SFMBT2: variants seen among roughly 807,000 people sequenced by gnomAD.
SFMBT2 encodes Scm like with four mbt domains 2.
Under a neutral mutation model 110.1 loss-of-function variants are expected in SFMBT2, and 38 were observed. That is an observed-to-expected ratio of 0.35 (90% CI 0.27 to 0.45). The LOEUF (loss-of-function observed/expected upper bound fraction) is 0.45. Among genes scored for constraint, SFMBT2 ranks in the 20% least tolerant of loss-of-function variants. The pLI is 1.00. For missense variants in SFMBT2, 1,011 were observed against 1,094.9 expected (o/e 0.92, Z 1.08); for synonymous variants, 425 against 425.4 (o/e 1.00, Z 0.01).
At chr10:7,263,112 C>A (rs1007129424) in intron 7 of SFMBT2, among the ~76,000 whole-genome samples, 1 of 152,192 alleles carries the variant, frequency 6.6e-6, no homozygotes, top group Non-Finnish European at 1.5e-5. Flanking sequence ...CCTGAGAGAA[C>A]AGACCCGGCT....
In SFMBT2 at chr10:7,219,372, G is replaced by A. The variant is rs999702662; in HGVS notation, c.1330+1039C>T. On this transcript the variant is annotated intron_variant, in intron 11 of 20. Coordinates refer to ENST00000397167, the MANE Select transcript of SFMBT2 (RefSeq NM_001387889.1). ...TTTTGGAACCCTAAACTTCAGTAAC[G>A]TTTTAAACAATTTTCTGGGAATTGG... Among the ~76,000 whole-genome samples, 8 of 152,264 alleles carry A rather than the reference G, an allele frequency of 5.3e-5. No individual in the cohort carries two copies. The South Asian group carries it at 1.0e-3, about 20-fold the overall frequency.
At chr10:7,189,065 A>G (rs113546627) in intron 15 of SFMBT2, 2 of 734,788 alleles carry the variant, frequency 2.7e-6, no homozygotes, top group South Asian at 6.2e-5. Flanking sequence ...GTACTTCAAC[A>G]GGATTACTCT....
At chr10:7,185,564 C>T (rs934960766) in intron 16 of SFMBT2, among the ~76,000 whole-genome samples, 5 of 152,220 alleles carry the variant, frequency 3.3e-5, no homozygotes, top group African/African-American at 1.2e-4. Context: ...CAGTGAAGAT[C>T]TGACTTTATC....
At chr10:7,289,546 T>C (rs1842201446) in intron 4 of SFMBT2, among the ~76,000 whole-genome samples, 1 of 152,218 alleles carries the variant, frequency 6.6e-6, no homozygotes, top group Non-Finnish European at 1.5e-5. Context: ...CAAGCAATCT[T>C]TTATGAGCCA....
At chr10:7,224,992 T>C (rs1261560231) in intron 10 of SFMBT2, among the ~76,000 whole-genome samples, 1 of 152,220 alleles carries the variant, frequency 6.6e-6, no homozygotes, top group African/African-American at 2.4e-5. Flanking sequence ...AGAAATCAAC[T>C]GGCTCCATGC....
At chr10:7,291,580 A>G (rs982841322) in intron 4 of SFMBT2, among the ~76,000 whole-genome samples, 1 of 152,020 alleles carries the variant, frequency 6.6e-6, no homozygotes, top group African/African-American at 2.4e-5. Context: ...GCCCTCTTTG[A>G]TCAGAAGCTT....
intron 20 of SFMBT2, chr10:7,164,389 A>G (rs1837637885): frequency 2.0e-6 from 2 of 983,188 alleles, no homozygotes; most frequent in Non-Finnish European, 2.4e-6. Context: ...CTCTCTAAAC[A>G]ACAACAAAAA....
chr10:7,239,491 C>A lies in SFMBT2; in HGVS notation c.1120+4067G>T, dbSNP rs531036968. On this transcript the variant is annotated intron_variant, in intron 9 of 20. Coordinates refer to ENST00000397167, the MANE Select transcript of SFMBT2 (RefSeq NM_001387889.1). ...GAGATGCAAGATGTGAAACCAACCACCTCAAAAGGAAACCGTAAAACACCA... is the reference window on the plus strand; with the variant it reads ...GAGATGCAAGATGTGAAACCAACCAACTCAAAAGGAAACCGTAAAACACCA... Among the ~76,000 whole-genome samples the A allele has an allele frequency of 3.3e-5, 5 of 152,286 alleles. No homozygotes were observed. In the East Asian group the frequency reaches 9.6e-4, roughly 29 times the overall value.
intron 4 of SFMBT2, among the ~76,000 whole-genome samples, chr10:7,298,374 C>T (rs1842465451): frequency 6.6e-6 from 1 of 152,208 alleles, no homozygotes; most frequent in Admixed American, 6.5e-5. Flanking sequence ...TCAGACTCTC[C>T]ATCCTGGGTC....
rs1406445473 is a variant in SFMBT2, at chr10:7,377,056, C to T, written c.100+4743G>A. 2.0e-5 allele frequency among the ~76,000 whole-genome samples: 3 copies of T among 150,824 alleles called. No homozygotes were observed. The East Asian group carries it at 5.8e-4, about 29-fold the overall frequency. ...TGGTGGCGGGCACCTGTAGTCCCAGCTACTTGGGAGGCTGAGGCAGGAGGA... is the reference window on the plus strand; with the variant it reads ...TGGTGGCGGGCACCTGTAGTCCCAGTTACTTGGGAGGCTGAGGCAGGAGGA... On this transcript the variant is annotated intron_variant, in intron 2 of 20. Transcript: ENST00000397167.
chr10:7,243,514 C>G, intron 9 of SFMBT2, 44 bp downstream of exon 9: 1 of 865,084 alleles, frequency 1.2e-6, no homozygotes, highest in Non-Finnish European at 2.0e-6. Flanking sequence ...AGTAAGACAC[C>G]CTCCTGAATC....
chr10:7,350,920 A>C (rs1486735206), intron 4 of SFMBT2, among the ~76,000 whole-genome samples: 1 of 152,206 alleles, frequency 6.6e-6, no homozygotes, highest in Non-Finnish European at 1.5e-5. Context: ...TAGTAGCCAC[A>C]CACCCTCTGG....
At chr10:7,281,388 C>A (rs1279679669) in intron 6 of SFMBT2, among the ~76,000 whole-genome samples, 1 of 152,038 alleles carries the variant, frequency 6.6e-6, no homozygotes, top group African/African-American at 2.4e-5. Context: ...CTGCACACCC[C>A]CCTCCCACTG....
At chr10:7,380,375 T>TGG (rs1845386017) in intron 2 of SFMBT2, among the ~76,000 whole-genome samples, 1 of 152,230 alleles carries the variant, frequency 6.6e-6, no homozygotes, top group South Asian at 2.1e-4. Context: ...AGTAAGGCCT[T>TGG]CCCTCATGTG....
chr10:7,209,587 C>G (rs2131621974), intron 11 of SFMBT2, among the ~76,000 whole-genome samples: 1 of 152,334 alleles, frequency 6.6e-6, no homozygotes, highest in South Asian at 2.1e-4. Flanking sequence ...TACAGATCTC[C>G]AAGATGCACT....
At chr10:7,294,249 C>T (rs1263830063) in intron 4 of SFMBT2, among the ~76,000 whole-genome samples, 4 of 152,182 alleles carry the variant, frequency 2.6e-5, no homozygotes, top group African/African-American at 7.2e-5. Context: ...CGCCAACTCA[C>T]CCAGTGCATC....
chr10:7,388,813 C>T (rs993951062), intron 1 of SFMBT2, among the ~76,000 whole-genome samples: 4 of 152,100 alleles, frequency 2.6e-5, no homozygotes, highest in Non-Finnish European at 4.4e-5. Flanking sequence ...GGGCCCGAGC[C>T]CTGCGTGTCA....
At chr10:7,407,280 A>T (rs904325365) in intron 1 of SFMBT2, among the ~76,000 whole-genome samples, 4 of 141,076 alleles carry the variant, frequency 2.8e-5, no homozygotes, top group Admixed American at 2.2e-4. Flanking sequence ...ACGAGGCCAC[A>T]TTTAAGCCTG....
intron 16 of SFMBT2, 165 bp from the exon 17 acceptor site, chr10:7,176,330 G>A: frequency 1.9e-6 from 1 of 535,676 alleles, no homozygotes; most frequent in Non-Finnish European, 2.4e-6. Context: ...ATATTTATAA[G>A]AAGTGCTCAC....
Sources: gnomAD v4.1 joint callset for allele counts (sites outside exome capture counted in the v4.1 genomes callset) on GRCh38, gnomAD v4.1.1 for gene constraint, MANE v1.5 for transcripts, NCBI Gene and HGNC (gene_info 2026-07-23, HGNC 2026-07-21) for gene names.